NCMAP: variants seen among roughly 807,000 people sequenced by gnomAD.
NCMAP encodes noncompact myelin-associated protein.
NCMAP carries 8 observed loss-of-function variants against 7.8 expected under a neutral mutation model. The observed-to-expected ratio is 1.02, with a 90% confidence interval of 0.60 to 1.84. NCMAP has a LOEUF of 1.84. Among genes scored for constraint, NCMAP ranks in the 40% most tolerant of loss-of-function variants. The probability of loss-of-function intolerance (pLI) is 0.00; values close to 1 mark genes in which losing one functional copy is unlikely to be tolerated. For synonymous variants in NCMAP, 41 were observed against 52.9 expected (o/e 0.78, Z 0.98); for missense variants, 112 against 131.4 (o/e 0.85, Z 0.72).
In NCMAP at chr1:24,605,593, T is replaced by C. The variant is rs1338685038; in HGVS notation, c.168-13T>C. 1 of 1,613,848 alleles carries C rather than the reference T, an allele frequency of 6.2e-7. No homozygotes were observed. The highest frequency in any genetic ancestry group is 1.1e-5 in the South Asian group (1 of 91,056). On this transcript the variant is annotated splice_polypyrimidine_tract_variant and intron_variant, in intron 3 of 3. Transcript: ENST00000374392. ...GGGAAAGACTCAACCATGTGCACAT[T>C]ATCTCCCTACAGGAAAATGAGGACG...
At chr1:24,605,532 C>A in intron 3 of NCMAP, 74 bp from the exon 4 acceptor site, 1 of 1,529,194 alleles carries the variant, frequency 6.5e-7, no homozygotes, top group Non-Finnish European at 9.0e-7. Flanking sequence ...TTGGCCAGAA[C>A]TGTAGTCGCA....
At chr1:24,569,884 G>A (rs1449466904) in intron 1 of NCMAP, among the ~76,000 whole-genome samples, 3 of 150,650 alleles carry the variant, frequency 2.0e-5, no homozygotes, top group South Asian at 2.1e-4. Flanking sequence ...TTGGGGTCAC[G>A]TCCTTCCTCA....
intron 1 of NCMAP, among the ~76,000 whole-genome samples, chr1:24,559,510 G>A (rs531044645): frequency 6.6e-6 from 1 of 152,310 alleles, no homozygotes; most frequent in South Asian, 2.1e-4. Flanking sequence ...CTGGCTAGTG[G>A]GGCTGGACCT....
chr1:24,572,425 T>G (rs911605546), intron 1 of NCMAP, among the ~76,000 whole-genome samples: 8 of 150,672 alleles, frequency 5.3e-5, no homozygotes, highest in Non-Finnish European at 4.4e-5. Context: ...GGTCACTGAA[T>G]GGTGCAGGCT....
chr1:24,570,617 A>G lies in NCMAP; in HGVS notation c.-8+14448A>G, dbSNP rs529279470. Among the ~76,000 whole-genome samples, 11 of 151,180 alleles carry G rather than the reference A, an allele frequency of 7.3e-5. No homozygotes were observed. The South Asian group carries it at 8.3e-4, about 11-fold the overall frequency. ...CAGGTCAGTCTGACCCCACAGCCGA[A>G]GAGTTTAATGACCCCATGGTGCCAT... is the stretch of plus-strand genomic sequence containing the variant. On this transcript the variant is annotated intron_variant, in intron 1 of 3. Transcript: ENST00000374392.
intron 2 of NCMAP, among the ~76,000 whole-genome samples, chr1:24,597,613 GAAAGAGAAAGAA>G (rs1360393100): frequency 1.5e-3 from 125 of 81,202 alleles, no homozygotes; most frequent in African/African-American, 6.2e-3. Context: ...AAGAAAGAAA[GAAAGAGAAAGAA>G]AGAAAGAAAG....
intron 1 of NCMAP, among the ~76,000 whole-genome samples, chr1:24,587,643 AG>A (rs1367213993): frequency 1.3e-5 from 2 of 152,016 alleles, no homozygotes; most frequent in African/African-American, 2.4e-5. Context: ...CCTCCCAAGT[AG>A]CTAAGACTAC....
intron 2 of NCMAP, among the ~76,000 whole-genome samples, chr1:24,598,739 G>A (rs1310385714): frequency 6.6e-6 from 1 of 151,378 alleles, no homozygotes; most frequent in African/African-American, 2.4e-5. Flanking sequence ...CCGGGCTCAA[G>A]CGATTCTCGT....
At chr1:24,568,900 G>A (rs1651304571) in intron 1 of NCMAP, among the ~76,000 whole-genome samples, 1 of 152,170 alleles carries the variant, frequency 6.6e-6, no homozygotes, top group Admixed American at 6.5e-5. Context: ...TAGGACTAGA[G>A]GCATGCGTCA....
intron 1 of NCMAP, among the ~76,000 whole-genome samples, chr1:24,558,548 C>G (rs932961890): frequency 3.3e-5 from 5 of 152,194 alleles, no homozygotes; most frequent in South Asian, 4.1e-4. Context: ...GGATCTAGTG[C>G]TAGACATTGA....
At chr1:24,579,276 C>T (rs139471655) in intron 1 of NCMAP, among the ~76,000 whole-genome samples, 1 of 151,858 alleles carries the variant, frequency 6.6e-6, no homozygotes, top group African/African-American at 2.4e-5. Context: ...GATGCAATAT[C>T]TTAGCTGTCT....
At position 24,606,041 on chromosome 1, in the gene NCMAP, C is replaced by T. The variant is rs1652714980; in HGVS notation, c.*294C>T. The T allele has an allele frequency of 5.4e-6, 2 of 371,564 alleles. No individual in the cohort carries two copies. Among genetic ancestry groups the T allele is most frequent in the Non-Finnish European group, 9.9e-6 (2 of 202,654 alleles). The allele number at this position is 371,564 out of a possible 1,614,324, so 23.0% of individuals were successfully genotyped here. On this transcript the variant is annotated 3_prime_UTR_variant, in exon 4 of 4. Coordinates refer to ENST00000374392, the MANE Select transcript of NCMAP (RefSeq NM_001010980.5). ...CCAATGTGGGCTTGGCTTTCCCCCA[C>T]ACTGTAGTTAGACAGATAGACAGAT...
intron 1 of NCMAP, among the ~76,000 whole-genome samples, chr1:24,574,802 T>C (rs1168995549): frequency 1.3e-5 from 2 of 150,416 alleles, no homozygotes; most frequent in Non-Finnish European, 3.0e-5. Context: ...TACTTTTTTT[T>C]TTTTTTTTTT....
chr1:24,602,022 C>T (rs895253447), intron 3 of NCMAP, among the ~76,000 whole-genome samples: 3 of 141,214 alleles, frequency 2.1e-5, no homozygotes, highest in African/African-American at 8.2e-5. Context: ...TGCTGGGTGA[C>T]GGAGCGAAAC....
At chr1:24,580,831 G>A (rs1651721627) in intron 1 of NCMAP, among the ~76,000 whole-genome samples, 1 of 152,158 alleles carries the variant, frequency 6.6e-6, no homozygotes. Flanking sequence ...TCCTGAGTCT[G>A]GGGGGCTTCT....
At chr1:24,559,948 T>C (rs1651001627) in intron 1 of NCMAP, among the ~76,000 whole-genome samples, 1 of 152,104 alleles carries the variant, frequency 6.6e-6, no homozygotes, top group African/African-American at 2.4e-5. Context: ...GATCACGAAG[T>C]CAGGAGATCA....
chr1:24,580,720 A>C (rs762146723), intron 1 of NCMAP, among the ~76,000 whole-genome samples: 7 of 152,058 alleles, frequency 4.6e-5, no homozygotes, highest in Non-Finnish European at 1.0e-4. Context: ...CAGCCTCCCA[A>C]AGTGCTGGAA....
intron 2 of NCMAP, among the ~76,000 whole-genome samples, chr1:24,600,438 G>A (rs1652441498): frequency 6.6e-6 from 1 of 152,188 alleles, no homozygotes; most frequent in Non-Finnish European, 1.5e-5. Context: ...GCAGGCATGA[G>A]CCACTGCACC....
chr1:24,571,756 T>C (rs1211797613), intron 1 of NCMAP, among the ~76,000 whole-genome samples: 2 of 149,686 alleles, frequency 1.3e-5, no homozygotes, highest in Non-Finnish European at 2.9e-5. Context: ...TGGCTAATTT[T>C]TGTGTTTTTG....
Sources: allele counts gnomAD v4.1 joint callset (sites outside exome capture counted in the v4.1 genomes callset), GRCh38; gene constraint gnomAD v4.1.1; transcripts MANE v1.5; gene names NCBI Gene and HGNC (gene_info 2026-07-23, HGNC 2026-07-21).